The following ACOX1 variants were observed in gnomAD, a reference collection of about 807,000 sequenced individuals.
ACOX1 encodes the protein acyl-CoA oxidase 1, also known as peroxisomal acyl-coenzyme A oxidase 1.
ACOX1 carries 41 observed loss-of-function variants against 75.5 expected under a neutral mutation model. That is an observed-to-expected ratio of 0.54 (90% CI 0.42 to 0.70). The LOEUF (loss-of-function observed/expected upper bound fraction) is 0.70. Among genes scored for constraint, ACOX1 ranks in the 30% least tolerant of loss-of-function variants. The pLI is 0.00. For synonymous variants in ACOX1, 303 were observed against 298.8 expected (o/e 1.01, Z -0.15); for missense variants, 630 against 837.5 (o/e 0.75, Z 3.06).
intron 7 of ACOX1, 79 bp downstream of exon 7, chr17:75,953,372 G>A (rs2065791719): frequency 1.9e-6 from 3 of 1,547,334 alleles, no homozygotes; most frequent in Admixed American, 1.7e-5. Context: ...CTTCTGTATT[G>A]ACATTTGGGA....
Position 75,978,452 on chromosome 17 carries a change from G to T in ACOX1, c.269+82C>A. ...GCCAGTTTGCATCTTCAAACACCAA[G>T]CACGGTGATGAAAGGCCACCATAGA... On this transcript the variant is annotated intron_variant, in intron 2 of 13. Coordinates refer to ENST00000293217, the MANE Select transcript of ACOX1 (RefSeq NM_004035.7). This position sits in a 1 kb window ranked among gnomAD's most constrained non-coding sequence, Gnocchi z 4.2. 6.5e-7 allele frequency: 1 copy of T among 1,549,468 alleles called. No individual in the cohort carries two copies. The highest frequency in any genetic ancestry group is 8.9e-7 in the Non-Finnish European group (1 of 1,122,598).
chr17:75,945,683 C>T lies in ACOX1; in HGVS notation c.*1065G>A, dbSNP rs1598170622. ...ACAATTAGCGATTCAGAGAAAGCTC[C>T]TAGAAATAGACTGAAAACAAAGCCA... On this transcript the variant is annotated 3_prime_UTR_variant, in exon 14 of 14. Coordinates refer to ENST00000293217, the MANE Select transcript of ACOX1 (RefSeq NM_004035.7). The T allele has an allele frequency of 1.3e-5, 2 of 153,700 alleles. No individual in the cohort carries two copies. The highest frequency in any genetic ancestry group is 3.9e-4 in the East Asian group (2 of 5,188). 9.5% of individuals were successfully genotyped at this position (153,700 alleles called of 1,614,324 possible).
intron 2 of ACOX1, among the ~76,000 whole-genome samples, chr17:75,962,857 C>T (rs564941610): frequency 1.6e-4 from 25 of 152,226 alleles, no homozygotes; most frequent in Admixed American, 4.6e-4. Flanking sequence ...AGGGGCCAGG[C>T]GCGGTGGCTC....
chr17:75,959,882 G>GA (rs1227707742), intron 3 of ACOX1, among the ~76,000 whole-genome samples: 2 of 152,000 alleles, frequency 1.3e-5, no homozygotes. Context: ...TAGTAATGAA[G>GA]AAAAAAACAG....
rs1463381154 is a variant in ACOX1 at position 75,960,544 on chromosome 17, C to T, written c.270-169G>A. On this transcript the variant is annotated intron_variant, in intron 2 of 13. Transcript: ENST00000293217. The surrounding 1 kb of genome is among the most constrained non-coding windows in gnomAD (Gnocchi z 4.4). ...TGTCCCTTTCTGTATTACTTTATAG[C>T]TCTTGTTAATTTCCATTTTTCCTGA... Among the ~76,000 whole-genome samples, 1 of 152,182 alleles carries T rather than the reference C, an allele frequency of 6.6e-6. No individual in the cohort carries two copies. The highest frequency in any genetic ancestry group is 1.5e-5 in the Non-Finnish European group (1 of 68,042).
Position 75,945,537 on chromosome 17 carries a change from T to C in ACOX1, c.*1211A>G, listed in dbSNP as rs2065711954. ...AGAACAGCTGGTTTCATGAGGCATATGGCGTAGATTAAAAAAAAACAAAAC... is the reference window on the plus strand; with the variant it reads ...AGAACAGCTGGTTTCATGAGGCATACGGCGTAGATTAAAAAAAAACAAAAC... On this transcript the variant is annotated 3_prime_UTR_variant, in exon 14 of 14. Coordinates refer to ENST00000293217, the MANE Select transcript of ACOX1 (RefSeq NM_004035.7). 6.5e-6 allele frequency: 1 copy of C among 153,034 alleles called. No individual in the cohort carries two copies. Among genetic ancestry groups the C allele is most frequent in the African/African-American group, 2.4e-5 (1 of 41,388 alleles). The allele number at this position is 153,034 out of a possible 1,614,324, so 9.5% of individuals were successfully genotyped here.
At position 75,942,420 on chromosome 17, in the gene ACOX1, A is replaced by G. The variant is rs2065679941; in HGVS notation, c.*4328T>C. 7.1e-6 allele frequency: 1 copy of G among 141,336 alleles called. No individual in the cohort carries two copies. Among genetic ancestry groups the G allele is most frequent in the African/African-American group, 2.8e-5 (1 of 35,228 alleles). The allele number at this position is 141,336 out of a possible 1,614,324, so 8.8% of individuals were successfully genotyped here. A position where few individuals can be genotyped will look rare whatever the true frequency, so the allele number is the denominator to read the frequency against. ...ACTCTACCCTGGGTGAAAGAGCAAG[A>G]CAACGTCTCAAAAAAAAAAAAAAAA... is the stretch of plus-strand genomic sequence containing the variant. On this transcript the variant is annotated 3_prime_UTR_variant, in exon 14 of 14. Coordinates refer to ENST00000293217, the MANE Select transcript of ACOX1 (RefSeq NM_004035.7).
Position 75,953,492 on chromosome 17 carries a change from G to C in ACOX1, c.903C>G (p.Ile301Met). ...RALSKACTIA[I>M]RYSAVRHQSE... is the part of the protein sequence containing the mutation. Reference sequence around the variant, plus strand: ...ACTGGTGCCTCACAGCGCTGTATCGGATGGCAATGGTGCACGCCTTAGACA... The same window carrying C: ...ACTGGTGCCTCACAGCGCTGTATCGCATGGCAATGGTGCACGCCTTAGACA... The change falls in exon 7 of 14, where the codon ATC becomes ATG. Residue 301 changes from isoleucine to methionine, a missense_variant. By Grantham distance (10) the Ile-to-Met change is conservative (BLOSUM62 1). Around this residue, in one of 2 missense-constraint regions of ACOX1, gnomAD observed 390 missense variants for 574.9 expected, o/e 0.68. Coordinates refer to ENST00000293217, the MANE Select transcript of ACOX1 (RefSeq NM_004035.7). The C allele has an allele frequency of 6.2e-7, 1 of 1,614,138 alleles. No homozygotes were observed. Among genetic ancestry groups the C allele is most frequent in the Non-Finnish European group, 8.5e-7 (1 of 1,180,014 alleles).
chr17:75,966,293 C>A (rs2144290168), intron 2 of ACOX1, among the ~76,000 whole-genome samples: 1 of 148,522 alleles, frequency 6.7e-6, no homozygotes, highest in African/African-American at 2.5e-5. Flanking sequence ...TCCGTTTCTA[C>A]TAAAAATATA....
intron 2 of ACOX1, among the ~76,000 whole-genome samples, chr17:75,976,905 A>G (rs2066055324): frequency 6.6e-6 from 1 of 152,146 alleles, no homozygotes; most frequent in Admixed American, 6.6e-5. Flanking sequence ...AATGCCCAGG[A>G]ATAAATGAGA....
rs773482790 is a variant in ACOX1 at position 75,950,929 on chromosome 17, G to A, written c.1143C>T (p.Thr381=). 1.2e-6 allele frequency: 2 copies of A among 1,614,176 alleles called. No homozygotes were observed. Among genetic ancestry groups the A allele is most frequent in the South Asian group, 2.2e-5 (2 of 91,068 alleles). The change falls in exon 9 of 14, where the codon ACC becomes ACT. Residue 381 remains threonine, a synonymous_variant. Transcript: ENST00000293217. The surrounding 1 kb of genome is among the most constrained non-coding windows in gnomAD (Gnocchi z 4.3). ...HALTAGLKAF[T]SWTANTGIEA... ...CAATGCCAGTGTTTGCAGTCCAGGA[G>A]GTGAAAGCCTTCAGTCCAGCGGTGA...
chr17:75,971,741 C>CAAAAAA (rs11324447), intron 2 of ACOX1, among the ~76,000 whole-genome samples: 7 of 116,102 alleles, frequency 6.0e-5, no homozygotes, highest in South Asian at 2.9e-4. Flanking sequence ...GACTCTGACT[C>CAAAAAA]AAAAAAAAAA....
chr17:75,975,359 G>A (rs996413047), intron 2 of ACOX1, among the ~76,000 whole-genome samples: 3 of 151,972 alleles, frequency 2.0e-5, no homozygotes, highest in African/African-American at 7.2e-5. Flanking sequence ...GTTTTGCCAT[G>A]TTGGCCAGGC....
intron 3 of ACOX1, among the ~76,000 whole-genome samples, chr17:75,958,913 AC>A (rs2065864436): frequency 6.6e-6 from 1 of 152,030 alleles, no homozygotes; most frequent in Non-Finnish European, 1.5e-5. Flanking sequence ...GTCTCAGTTG[AC>A]CCTAGAGATT....
chr17:75,963,218 C>A (rs770582250), intron 2 of ACOX1, among the ~76,000 whole-genome samples: 11 of 152,140 alleles, frequency 7.2e-5, no homozygotes, highest in Non-Finnish European at 1.6e-4. Context: ...AAGTTACCTA[C>A]TGGGTACTAT....
chr17:75,968,312 T>G (rs2065958578), intron 2 of ACOX1, among the ~76,000 whole-genome samples: 1 of 145,170 alleles, frequency 6.9e-6, no homozygotes, highest in Non-Finnish European at 1.5e-5. Context: ...GGCGGGCGCC[T>G]GTAGTCCCAG....
intron 7 of ACOX1, 74 bp downstream of exon 7, chr17:75,953,377 T>C (rs1813401826): frequency 6.4e-7 from 1 of 1,564,412 alleles, no homozygotes; most frequent in African/African-American, 1.3e-5. Context: ...GTATTGACAT[T>C]TGGGAATTCT....
chr17:75,955,389 C>T (rs1392850035), intron 6 of ACOX1, among the ~76,000 whole-genome samples, 177 bp downstream of exon 6: 2 of 151,582 alleles, frequency 1.3e-5, no homozygotes, highest in Non-Finnish European at 2.9e-5. Context: ...ATCTTGAGCT[C>T]CTGGGCTCAA....
chr17:75,974,799 A>G (rs1371139694), intron 2 of ACOX1, among the ~76,000 whole-genome samples: 1 of 151,976 alleles, frequency 6.6e-6, no homozygotes, highest in South Asian at 2.1e-4. Context: ...TTGGGAGGCC[A>G]AGGCGGGTGG....
Sources: gnomAD v4.1 joint callset for allele counts (sites outside exome capture counted in the v4.1 genomes callset) on GRCh38, gnomAD v4.1.1 for gene constraint, gnomAD v4.1.1 regional missense constraint, Gnocchi (gnomAD v3.1) non-coding constraint, MANE v1.5 for transcripts, NCBI Gene and HGNC (gene_info 2026-07-23, HGNC 2026-07-21) for gene names.